NEBL: variants seen among roughly 807,000 people sequenced by gnomAD.
NEBL encodes nebulette.
In NEBL, 122 loss-of-function variants were observed where a neutral mutation model predicts 140.2. The ratio of observed to expected loss-of-function variants is 0.87; its 90% CI spans 0.75 to 1.01. The LOEUF is 1.01. NEBL is among the 50% of genes least tolerant of loss of function. NEBL has a pLI of 0.00. For synonymous variants in NEBL, 436 were observed against 398.9 expected (o/e 1.09, Z -1.11); for missense variants, 1,365 against 1,231.3 (o/e 1.11, Z -1.62).
chr10:20,814,043 C>G lies in NEBL; in HGVS notation c.2242G>C (p.Val748Leu). 6.4e-7 allele frequency: 1 copy of G among 1,564,348 alleles called. No homozygotes were observed. Reference protein sequence around the residue: ...VKKNQENISSVKYTQDHKQMK... With the variant: ...VKKNQENISSLKYTQDHKQMK... ...TGTTTATGGTCCTGGGTATATTTTA[C>G]CTGCAAAGTAAATAGTAGGCATAAG... The change falls in exon 23 of 28, where the codon GTA (valine) becomes CTA (leucine). Residue 748 changes from valine (V) to leucine (L), a missense_variant and splice_region_variant. By Grantham distance (32) the Val-to-Leu change is conservative. Around this residue, in one of 2 missense-constraint regions of NEBL, gnomAD observed 1,323 missense variants for 1,154.8 expected, o/e 1.15. Transcript: ENST00000377122.
chr10:20,942,423 T>G (rs1052632636), intron 4 of NEBL, among the ~76,000 whole-genome samples: 1 of 152,196 alleles, frequency 6.6e-6, no homozygotes, highest in Non-Finnish European at 1.5e-5. Context: ...CCTTACACCT[T>G]ATACAAAAAT....
intron 4 of NEBL, among the ~76,000 whole-genome samples, chr10:20,907,174 A>G (rs1848127253): frequency 6.6e-6 from 1 of 152,184 alleles, no homozygotes; most frequent in Non-Finnish European, 1.5e-5. Context: ...TACATTTAAG[A>G]TAATGATCTC....
intron 3 of NEBL, among the ~76,000 whole-genome samples, chr10:21,213,097 C>G (rs553431583): frequency 3.3e-5 from 5 of 152,176 alleles, no homozygotes; most frequent in African/African-American, 1.2e-4. Context: ...CTCACTTTAT[C>G]TCACAATAAC....
intron 3 of NEBL, among the ~76,000 whole-genome samples, chr10:21,190,988 C>G (rs1841564253): frequency 1.3e-5 from 2 of 152,168 alleles, no homozygotes; most frequent in African/African-American, 4.8e-5. Flanking sequence ...GCATTGCTTT[C>G]TGTTCATTTG....
At chr10:21,278,506 T>C (rs909493281) in intron 1 of NEBL, among the ~76,000 whole-genome samples, 1 of 152,108 alleles carries the variant, frequency 6.6e-6, no homozygotes, top group African/African-American at 2.4e-5. Flanking sequence ...GACCCATAAC[T>C]GCTAGGGCTG....
chr10:20,873,522 AAAG>A (rs1270704087), intron 5 of NEBL, among the ~76,000 whole-genome samples: 2 of 152,140 alleles, frequency 1.3e-5, no homozygotes, highest in Non-Finnish European at 2.9e-5. Flanking sequence ...AAGAAAGATT[AAAG>A]AAGAAGAAAG....
chr10:21,281,668 A>G (rs1842995914), intron 1 of NEBL, among the ~76,000 whole-genome samples: 1 of 152,014 alleles, frequency 6.6e-6, no homozygotes, highest in African/African-American at 2.4e-5. Flanking sequence ...CTACGTTAAC[A>G]TATCACGATC....
At chr10:21,242,186 C>G (rs1020612906) in intron 3 of NEBL, among the ~76,000 whole-genome samples, 2 of 151,604 alleles carry the variant, frequency 1.3e-5, no homozygotes, top group Non-Finnish European at 2.9e-5. Flanking sequence ...GCCTGGGTGA[C>G]AGAGCAAGAC....
intron 4 of NEBL, among the ~76,000 whole-genome samples, chr10:20,949,305 G>T (rs1171834191): frequency 6.6e-6 from 1 of 152,042 alleles, no homozygotes; most frequent in Non-Finnish European, 1.5e-5. Flanking sequence ...GGGGGATGGG[G>T]GAAAAGCGGA....
chr10:20,797,046 C>A (rs570005866), intron 26 of NEBL, among the ~76,000 whole-genome samples: 1 of 152,314 alleles, frequency 6.6e-6, no homozygotes, highest in African/African-American at 2.4e-5. Flanking sequence ...TCAGAACATA[C>A]AACTGGCAGG....
chr10:21,004,856 A>T (rs1838064261), intron 3 of NEBL, among the ~76,000 whole-genome samples: 2 of 152,234 alleles, frequency 1.3e-5, no homozygotes, highest in Admixed American at 1.3e-4. Context: ...GTAGGCAGGA[A>T]AAGACTATTT....
chr10:21,285,681 A>G (rs1588601251), intron 1 of NEBL, among the ~76,000 whole-genome samples: 1 of 152,318 alleles, frequency 6.6e-6, no homozygotes, highest in South Asian at 2.1e-4. Context: ...TGGGCTTCAC[A>G]GGCTTCACTG....
At chr10:20,866,854 C>G (rs991092025) in intron 7 of NEBL, among the ~76,000 whole-genome samples, 1 of 152,142 alleles carries the variant, frequency 6.6e-6, no homozygotes, top group Admixed American at 6.6e-5. Context: ...TATGTTTGCT[C>G]TTCTGTGAAT....
intron 1 of NEBL, among the ~76,000 whole-genome samples, chr10:21,280,033 A>G (rs1367393350): frequency 2.0e-5 from 3 of 152,164 alleles, no homozygotes; most frequent in Admixed American, 1.3e-4. Flanking sequence ...AGAGAAGCCA[A>G]AAAGTCCCCT....
rs753511896 is a variant in NEBL at position 20,859,766 on chromosome 10, G to T, written c.745C>A (p.Leu249Ile). 6.2e-7 allele frequency: 1 copy of T among 1,605,146 alleles called. No homozygotes were observed. The highest frequency in any genetic ancestry group is 8.5e-7 in the Non-Finnish European group (1 of 1,172,782). Residue 249 changes from leucine to isoleucine, a missense_variant, in exon 8 of 28, where the codon CTT becomes ATT. Leu to Ile is a conservative substitution (Grantham distance 5). Transcript: ENST00000377122. ...MKDKKHHYNP[L>I]ESASFRQNQL... Reference sequence around the variant, plus strand: ...TTCTGCCTAAAAGAAGCACTTTCAAGAGGATTGTAATGATGTTTCTTATCC... The same window carrying T: ...TTCTGCCTAAAAGAAGCACTTTCAATAGGATTGTAATGATGTTTCTTATCC...
chr10:20,940,429 C>T (rs1459862909), intron 4 of NEBL, among the ~76,000 whole-genome samples: 1 of 144,716 alleles, frequency 6.9e-6, no homozygotes, highest in Non-Finnish European at 1.5e-5. Flanking sequence ...GGGACACATC[C>T]AAAGCAGTGT....
At chr10:21,171,203 C>T (rs950225670) in intron 2 of NEBL, among the ~76,000 whole-genome samples, 27 of 151,826 alleles carry the variant, frequency 1.8e-4, no homozygotes, top group African/African-American at 6.1e-4. Context: ...AGCATGGTGG[C>T]GCATGCTTGT....
At chr10:20,831,372 G>A in intron 15 of NEBL, 66 bp from the exon 16 acceptor site, 1 of 1,503,650 alleles carries the variant, frequency 6.7e-7, no homozygotes, top group Non-Finnish European at 9.2e-7. Context: ...AAATTTACAT[G>A]TTTGAATCTC....
intron 2 of NEBL, chr10:21,146,411 ACACT>A (rs45546236): frequency 0.19 from 308,170 of 1,611,248 alleles, 31,314 homozygotes; most frequent in East Asian, 0.35. Context: ...TAAAGCACAA[ACACT>A]CTCTCTCATA....
Sources: allele counts gnomAD v4.1 joint callset (sites outside exome capture counted in the v4.1 genomes callset), GRCh38; gene constraint gnomAD v4.1.1; regional missense constraint gnomAD v4.1.1; transcripts MANE v1.5; gene names NCBI Gene and HGNC (gene_info 2026-07-23, HGNC 2026-07-21).